The following TBL1XR1 variants were observed in gnomAD, a reference collection of about 807,000 sequenced individuals.
The protein encoded by TBL1XR1 is F-box-like/WD repeat-containing protein TBL1XR1.
Under a neutral mutation model 66.9 loss-of-function variants are expected in TBL1XR1, and 5 were observed. That is an observed-to-expected ratio of 0.07 (90% CI 0.04 to 0.16). The LOEUF (loss-of-function observed/expected upper bound fraction) is 0.16, where lower values mean the gene tolerates loss of function less well. Among genes scored for constraint, TBL1XR1 ranks in the 10% least tolerant of loss-of-function variants. TBL1XR1 has a pLI of 1.00. For missense variants in TBL1XR1, 238 were observed against 623.2 expected, an observed-to-expected ratio of 0.38 and a Z score of 6.58; for synonymous variants, 210 against 206.0, an observed-to-expected ratio of 1.02 and a Z score of -0.17.
intron 1 of TBL1XR1, among the ~76,000 whole-genome samples, chr3:177,117,281 G>C (rs549223833): frequency 3.9e-5 from 6 of 152,302 alleles, no homozygotes; most frequent in African/African-American, 1.4e-4. Context: ...TAGCTGCGAA[G>C]CAATGAAACT....
chr3:177,145,372 G>C (rs1560225780), intron 1 of TBL1XR1, among the ~76,000 whole-genome samples: 2 of 151,964 alleles, frequency 1.3e-5, no homozygotes, highest in African/African-American at 4.8e-5. Context: ...GCTCCCTATA[G>C]AAAAAGTCTG....
intron 1 of TBL1XR1, among the ~76,000 whole-genome samples, chr3:177,130,081 G>A (rs919022845): frequency 6.7e-6 from 1 of 148,194 alleles, no homozygotes; most frequent in African/African-American, 2.5e-5. Flanking sequence ...GGAGGCGGAG[G>A]TTGCAGTGAG....
At chr3:177,029,911 T>C (rs919128251) in intron 14 of TBL1XR1, among the ~76,000 whole-genome samples, 3 of 152,196 alleles carry the variant, frequency 2.0e-5, no homozygotes. Context: ...AAATGTTTCA[T>C]ATCCATGTAA....
intron 7 of TBL1XR1, among the ~76,000 whole-genome samples, chr3:177,048,980 T>C (rs953401249): frequency 3.9e-5 from 6 of 152,222 alleles, no homozygotes; most frequent in African/African-American, 7.2e-5. Flanking sequence ...AATTCTGTCT[T>C]GATCTTACAA....
intron 2 of TBL1XR1, among the ~76,000 whole-genome samples, chr3:177,071,469 A>C (rs1720003707): frequency 6.6e-6 from 1 of 152,198 alleles, no homozygotes; most frequent in Non-Finnish European, 1.5e-5. Flanking sequence ...CTAGTAAGTA[A>C]ATCAAAACTT....
chr3:177,172,670 G>A (rs1481964778), intron 1 of TBL1XR1, among the ~76,000 whole-genome samples: 1 of 104,328 alleles, frequency 9.6e-6, no homozygotes, highest in East Asian at 2.9e-4. Flanking sequence ...AGAGAAGGGA[G>A]GGGAGGGGAG....
intron 1 of TBL1XR1, among the ~76,000 whole-genome samples, chr3:177,188,093 G>C (rs899768218): frequency 6.6e-6 from 1 of 151,466 alleles, no homozygotes; most frequent in Admixed American, 6.6e-5. Flanking sequence ...CACCACACCC[G>C]GCTAATTTCT....
At chr3:177,050,671 G>A (rs1363712285) in intron 5 of TBL1XR1, 61 bp from the exon 6 acceptor site, 3 of 1,591,544 alleles carry the variant, frequency 1.9e-6, no homozygotes, top group Non-Finnish European at 2.6e-6. Context: ...TGGTGGATGG[G>A]TGATTTCTTA....
chr3:177,128,723 T>C (rs1023960926), intron 1 of TBL1XR1, among the ~76,000 whole-genome samples: 2 of 152,228 alleles, frequency 1.3e-5, no homozygotes, highest in African/African-American at 4.8e-5. Context: ...ATCTTTTCTA[T>C]TTCTTGGGGA....
intron 3 of TBL1XR1, among the ~76,000 whole-genome samples, chr3:177,059,421 A>C (rs1053972129): frequency 1.3e-5 from 2 of 152,222 alleles, no homozygotes; most frequent in African/African-American, 4.8e-5. Context: ...AATGTTATAC[A>C]TAAAGGTTAG....
At chr3:177,086,958 T>C (rs188622887) in intron 2 of TBL1XR1, 1 of 150,544 alleles carries the variant, frequency 6.6e-6, no homozygotes, top group East Asian at 2.0e-4. Flanking sequence ...ATGGAAAATA[T>C]ATTTACCATT....
intron 1 of TBL1XR1, among the ~76,000 whole-genome samples, chr3:177,124,231 G>A (rs536638172): frequency 2.0e-5 from 3 of 152,158 alleles, no homozygotes; most frequent in Admixed American, 2.0e-4. Flanking sequence ...TAACTTGACA[G>A]AAGTCTGGGG....
intron 1 of TBL1XR1, among the ~76,000 whole-genome samples, chr3:177,177,114 A>G (rs549916258): frequency 1.9e-4 from 29 of 152,346 alleles, no homozygotes; most frequent in Middle Eastern, 3.4e-3. Context: ...TTTGGATTCC[A>G]TATGCCAATG....
chr3:177,054,099 C>T (rs1042840376), intron 3 of TBL1XR1, among the ~76,000 whole-genome samples, 181 bp from the exon 4 acceptor site: 1 of 151,674 alleles, frequency 6.6e-6, no homozygotes, highest in East Asian at 1.9e-4. Context: ...TGCATGTAAA[C>T]ATGTCAGCCT....
chr3:177,092,563 T>C (rs1319693135), intron 2 of TBL1XR1, among the ~76,000 whole-genome samples: 1 of 152,126 alleles, frequency 6.6e-6, no homozygotes, highest in African/African-American at 2.4e-5. Flanking sequence ...AGATAGTTGG[T>C]AGTGTAAAGA....
intron 1 of TBL1XR1, among the ~76,000 whole-genome samples, chr3:177,156,831 C>CA (rs1731580606): frequency 6.6e-6 from 1 of 152,048 alleles, no homozygotes. Context: ...TGGGAATGGA[C>CA]AAAAAATTGT....
In TBL1XR1 at chr3:177,023,437, CG is replaced by C. The variant is rs538437164; in HGVS notation, c.*2060del. 18 of 152,500 alleles carry C rather than the reference CG, an allele frequency of 1.2e-4. No homozygotes were observed. In the South Asian group the frequency reaches 3.5e-3, roughly 30 times the overall value. The allele number at this position is 152,500 out of a possible 1,614,324, so 9.4% of individuals were successfully genotyped here. On this transcript the variant is annotated 3_prime_UTR_variant, in exon 16 of 16. Transcript: ENST00000457928. ...GATACTCAGCATATTAGGTTTCCTA[CG>C]TAAGTCACAGGGTAATATGTTCTAA...
intron 1 of TBL1XR1, among the ~76,000 whole-genome samples, chr3:177,114,435 G>C (rs1239197283): frequency 2.0e-5 from 3 of 151,852 alleles, no homozygotes; most frequent in African/African-American, 4.8e-5. Context: ...TCTTGACTCA[G>C]CCTCCCAAGT....
At chr3:177,071,394 T>C (rs555826369) in intron 2 of TBL1XR1, among the ~76,000 whole-genome samples, 2 of 152,094 alleles carry the variant, frequency 1.3e-5, no homozygotes. Context: ...TGAAACACTG[T>C]ATTAGAAGAA....
Sources: allele counts gnomAD v4.1 joint callset (sites outside exome capture counted in the v4.1 genomes callset), GRCh38; gene constraint gnomAD v4.1.1; transcripts MANE v1.5; gene names NCBI Gene and HGNC (gene_info 2026-07-23, HGNC 2026-07-21).